The following ROBO1 variants were observed in gnomAD, a reference collection of about 807,000 sequenced individuals.
ROBO1 encodes the protein roundabout guidance receptor 1.
A neutral mutation model predicts 195.9 loss-of-function variants in ROBO1; 149 were observed. The observed-to-expected ratio is 0.76, with a 90% CI of 0.67 to 0.87. The LOEUF (loss-of-function observed/expected upper bound fraction) is 0.87, where lower values mean the gene tolerates loss of function less well. Ranked by LOEUF, ROBO1 falls within the 40% of genes least tolerant of loss-of-function variation. ROBO1 has a pLI of 0.00. For synonymous variants in ROBO1, 816 were observed against 733.2 expected, an observed-to-expected ratio of 1.11 and a Z score of -1.82; for missense variants, 1,933 against 2,068.3, an observed-to-expected ratio of 0.93 and a Z score of 1.27.
At chr3:78,786,470 C>G (rs569691309) in intron 4 of ROBO1, among the ~76,000 whole-genome samples, 2 of 152,244 alleles carry the variant, frequency 1.3e-5, no homozygotes, top group East Asian at 3.9e-4. Flanking sequence ...TCATGACCCT[C>G]CCTCATGATT....
chr3:79,469,610 G>C (rs1351762326), intron 2 of ROBO1, among the ~76,000 whole-genome samples: 1 of 152,094 alleles, frequency 6.6e-6, no homozygotes. Context: ...CAGCTTTCTT[G>C]GTTACTCTAA....
chr3:79,661,044 G>T (rs1225200791), intron 1 of ROBO1, among the ~76,000 whole-genome samples: 1 of 152,050 alleles, frequency 6.6e-6, no homozygotes, highest in Non-Finnish European at 1.5e-5. Flanking sequence ...ATACTAAAAA[G>T]TAGATAGAGA....
chr3:79,709,332 C>T (rs1324374004), intron 1 of ROBO1, among the ~76,000 whole-genome samples: 1 of 151,808 alleles, frequency 6.6e-6, no homozygotes. Flanking sequence ...TATAATTAGT[C>T]TAATATGTAA....
rs139056278 is a variant in ROBO1 at position 79,542,738 on chromosome 3, T to C, written c.88+47086A>G. Among the ~76,000 whole-genome samples, 285 of 152,194 alleles carry C rather than the reference T, an allele frequency of 1.9e-3. 1 individual carries two copies. The highest frequency in any genetic ancestry group is 3.5e-3 in the Non-Finnish European group (241 of 67,944). ...ATTGAGTCTGTAATCACTCAGCTAG[T>C]AAGCGGTTGAGCCAAGAGTTACAGG... On this transcript the variant is annotated intron_variant, in intron 2 of 30. Coordinates refer to ENST00000464233, the MANE Select transcript of ROBO1 (RefSeq NM_002941.4).
intron 2 of ROBO1, among the ~76,000 whole-genome samples, chr3:79,519,816 G>T (rs1412173269): frequency 6.6e-6 from 1 of 151,938 alleles, no homozygotes; most frequent in Admixed American, 6.6e-5. Context: ...CTAGGCAAAG[G>T]TAGGCAAGTA....
At chr3:79,413,908 C>G (rs890402994) in intron 2 of ROBO1, among the ~76,000 whole-genome samples, 1 of 151,998 alleles carries the variant, frequency 6.6e-6, no homozygotes, top group Non-Finnish European at 1.5e-5. Flanking sequence ...TCAGGGAAGG[C>G]TTTTTATTTT....
chr3:79,670,435 T>A (rs115343317), intron 1 of ROBO1, among the ~76,000 whole-genome samples: 23 of 151,940 alleles, frequency 1.5e-4, no homozygotes, highest in Non-Finnish European at 2.8e-4. Context: ...CAAACTGTAA[T>A]TTAAACAAGT....
chr3:79,540,853 T>G (rs1244212712), intron 2 of ROBO1, among the ~76,000 whole-genome samples: 1 of 152,128 alleles, frequency 6.6e-6, no homozygotes, highest in African/African-American at 2.4e-5. Flanking sequence ...ACGTAATATT[T>G]TTTACATCCT....
intron 2 of ROBO1, among the ~76,000 whole-genome samples, chr3:79,371,887 T>C (rs1267851640): frequency 2.6e-5 from 4 of 152,176 alleles, no homozygotes; most frequent in African/African-American, 7.2e-5. Flanking sequence ...CAGGGACCAG[T>C]TTCTTGGAAG....
At chr3:79,576,042 G>T (rs897940533) in intron 2 of ROBO1, among the ~76,000 whole-genome samples, 1 of 151,764 alleles carries the variant, frequency 6.6e-6, no homozygotes, top group Non-Finnish European at 1.5e-5. Flanking sequence ...ACATCTGTTT[G>T]TCATAACATA....
chr3:78,888,030 G>A (rs1353482906), intron 4 of ROBO1, among the ~76,000 whole-genome samples: 3 of 152,136 alleles, frequency 2.0e-5, no homozygotes, highest in Admixed American at 2.0e-4. Flanking sequence ...AAGATCATAA[G>A]GAAACTGCAT....
chr3:79,040,750 G>A (rs2078472226), intron 3 of ROBO1, among the ~76,000 whole-genome samples: 1 of 152,034 alleles, frequency 6.6e-6, no homozygotes, highest in African/African-American at 2.4e-5. Flanking sequence ...TCATTCCAGT[G>A]GTTAACTACA....
At chr3:79,444,677 C>A (rs78682937) in intron 2 of ROBO1, among the ~76,000 whole-genome samples, 5,228 of 151,854 alleles carry the variant, frequency 0.034, 205 homozygotes, top group African/African-American at 0.098. Flanking sequence ...GAAGCTTGGT[C>A]CAAACTTTAT....
At chr3:78,673,605 T>TACACAC (rs1553699011) in intron 10 of ROBO1, among the ~76,000 whole-genome samples, 2 of 53,280 alleles carry the variant, frequency 3.8e-5, no homozygotes, top group East Asian at 7.1e-4. Flanking sequence ...TATATATATA[T>TACACAC]ACACACATAT....
At chr3:79,237,664 C>T (rs976813844) in intron 2 of ROBO1, among the ~76,000 whole-genome samples, 12 of 151,724 alleles carry the variant, frequency 7.9e-5, no homozygotes, top group African/African-American at 2.7e-4. Flanking sequence ...TCACTCTATC[C>T]GAGTCATACA....
chr3:79,578,169 G>C (rs1299409727), intron 2 of ROBO1, among the ~76,000 whole-genome samples: 1 of 152,162 alleles, frequency 6.6e-6, no homozygotes. Context: ...GAAAGATATA[G>C]AGCAACAGGA....
At chr3:78,654,478 ATTC>A (rs758083569) in intron 18 of ROBO1, among the ~76,000 whole-genome samples, 3 of 152,202 alleles carry the variant, frequency 2.0e-5, no homozygotes, top group East Asian at 1.9e-4. Flanking sequence ...GAGCAGACCT[ATTC>A]TTCTTATCCC....
intron 4 of ROBO1, among the ~76,000 whole-genome samples, chr3:78,830,908 GTTTTGT>G (rs1020326570): frequency 3.3e-4 from 49 of 148,228 alleles, no homozygotes; most frequent in South Asian, 1.1e-3. Context: ...TTGTTTGTTT[GTTTTGT>G]TTTTGTTTTT....
chr3:78,915,681 T>C (rs1279613963), intron 4 of ROBO1, among the ~76,000 whole-genome samples: 5 of 152,136 alleles, frequency 3.3e-5, no homozygotes, highest in Admixed American at 6.5e-5. Context: ...CTTCATTTCT[T>C]TCTGTTTTTT....
Sources: allele counts gnomAD v4.1 joint callset (sites outside exome capture counted in the v4.1 genomes callset), GRCh38; gene constraint gnomAD v4.1.1; transcripts MANE v1.5; gene names NCBI Gene and HGNC (gene_info 2026-07-23, HGNC 2026-07-21).